The following CTNNA3 variants were observed in gnomAD, a reference collection of about 807,000 sequenced individuals.
CTNNA3 encodes the protein catenin alpha-3.
A neutral mutation model predicts 95.7 loss-of-function variants in CTNNA3; 76 were observed. The ratio of observed to expected loss-of-function variants is 0.79; its 90% CI spans 0.66 to 0.96. CTNNA3 has a LOEUF of 0.96. Among genes scored for constraint, CTNNA3 ranks in the 40% least tolerant of loss-of-function variants. CTNNA3 has a pLI of 0.00. For missense variants in CTNNA3, 1,191 were observed against 1,089.8 expected, an observed-to-expected ratio of 1.09 and a Z score of -1.31; for synonymous variants, 431 against 374.4, an observed-to-expected ratio of 1.15 and a Z score of -1.74.
intron 10 of CTNNA3, among the ~76,000 whole-genome samples, chr10:66,613,753 G>C (rs1210001600): frequency 1.3e-5 from 2 of 151,996 alleles, no homozygotes; most frequent in South Asian, 4.1e-4. Flanking sequence ...AGCATTTTGT[G>C]CCATTCCCTG....
intron 5 of CTNNA3, among the ~76,000 whole-genome samples, chr10:67,292,398 AT>A (rs1007066768): frequency 6.6e-6 from 1 of 151,408 alleles, no homozygotes; most frequent in Non-Finnish European, 1.5e-5. Flanking sequence ...ATTTTGAGGT[AT>A]TTTTTTTTCC....
intron 7 of CTNNA3, among the ~76,000 whole-genome samples, chr10:66,914,748 G>A (rs180814633): frequency 2.0e-5 from 3 of 152,278 alleles, no homozygotes; most frequent in Admixed American, 1.3e-4. Flanking sequence ...AATATTCTAA[G>A]TTGCAGGATT....
chr10:66,712,592 CCT>C (rs779653367), intron 9 of CTNNA3, among the ~76,000 whole-genome samples: 36 of 148,658 alleles, frequency 2.4e-4, no homozygotes, highest in Middle Eastern at 3.5e-3. Context: ...ACTCTCTCTC[CCT>C]CTCTCTCTCT....
rs56160138 is a variant in CTNNA3, at chr10:66,633,477, A to T, written c.1282-11693T>A. Among the ~76,000 whole-genome samples the T allele has an allele frequency of 2.0e-5, 3 of 152,022 alleles. No individual in the cohort carries two copies. The East Asian group carries it at 5.8e-4, about 29-fold the overall frequency. On this transcript the variant is annotated intron_variant, in intron 9 of 17. Transcript: ENST00000433211. Reference sequence around the variant, plus strand: ...GGGCAGATCACGAGGTCAGGAGATCAAGACCATCCTGGCTAACATGGTGAA... The same window carrying T: ...GGGCAGATCACGAGGTCAGGAGATCTAGACCATCCTGGCTAACATGGTGAA...
chr10:66,840,863 C>T (rs2132347681), intron 7 of CTNNA3, among the ~76,000 whole-genome samples: 1 of 152,202 alleles, frequency 6.6e-6, no homozygotes, highest in South Asian at 2.1e-4. Flanking sequence ...CATGGCTTAG[C>T]CCGTGACTAA....
intron 3 of CTNNA3, among the ~76,000 whole-genome samples, chr10:67,543,339 T>A (rs916820519): frequency 6.6e-6 from 1 of 152,056 alleles, no homozygotes; most frequent in Non-Finnish European, 1.5e-5. Context: ...ACTTTTTATA[T>A]GATCAAATAA....
intron 10 of CTNNA3, among the ~76,000 whole-genome samples, chr10:66,579,823 G>A (rs1476165117): frequency 6.6e-6 from 1 of 151,588 alleles, no homozygotes; most frequent in Non-Finnish European, 1.5e-5. Flanking sequence ...TGGCTTCCCT[G>A]GTTTCCGATG....
At chr10:67,762,886 G>A (rs1202036834) in intron 1 of CTNNA3, among the ~76,000 whole-genome samples, 1 of 152,024 alleles carries the variant, frequency 6.6e-6, no homozygotes, top group Non-Finnish European at 1.5e-5. Context: ...CCCCAGTCAC[G>A]TACTCCCTGC....
intron 16 of CTNNA3, among the ~76,000 whole-genome samples, chr10:65,984,913 T>C (rs2078396127): frequency 6.6e-6 from 1 of 151,240 alleles, no homozygotes; most frequent in South Asian, 2.1e-4. Flanking sequence ...TATATAGGCT[T>C]CAGTCACATA....
At chr10:66,025,558 T>G (rs1003432687) in intron 15 of CTNNA3, among the ~76,000 whole-genome samples, 2 of 152,240 alleles carry the variant, frequency 1.3e-5, no homozygotes, top group Non-Finnish European at 2.9e-5. Flanking sequence ...AATGTGTTTT[T>G]GCTCATCATC....
chr10:67,126,046 T>G (rs1303665799), intron 7 of CTNNA3, among the ~76,000 whole-genome samples: 1 of 152,182 alleles, frequency 6.6e-6, no homozygotes, highest in Admixed American at 6.6e-5. Flanking sequence ...AATCATATCA[T>G]GAAATGCCTT....
intron 5 of CTNNA3, among the ~76,000 whole-genome samples, chr10:67,228,951 C>T (rs979811051): frequency 2.0e-5 from 3 of 152,046 alleles, no homozygotes; most frequent in Non-Finnish European, 4.4e-5. Context: ...AGAAGGAACC[C>T]TCCCTAATTC....
chr10:67,714,661 T>G (rs1294866698), intron 1 of CTNNA3, among the ~76,000 whole-genome samples: 6 of 152,186 alleles, frequency 3.9e-5, no homozygotes, highest in Non-Finnish European at 4.4e-5. Context: ...ATGACTGGTT[T>G]TGAAATGTGA....
At chr10:66,914,423 A>G (rs953669331) in intron 7 of CTNNA3, among the ~76,000 whole-genome samples, 5 of 152,006 alleles carry the variant, frequency 3.3e-5, no homozygotes, top group Admixed American at 2.0e-4. Context: ...ACTCATTAAT[A>G]TGAATGAACA....
chr10:66,525,268 G>C (rs183512831), intron 10 of CTNNA3, among the ~76,000 whole-genome samples: 160 of 151,772 alleles, frequency 1.1e-3, no homozygotes, highest in African/African-American at 3.7e-3. Flanking sequence ...TGGATTACAA[G>C]GCCACAGAAA....
At chr10:66,534,680 A>C (rs2132059528) in intron 10 of CTNNA3, among the ~76,000 whole-genome samples, 1 of 150,050 alleles carries the variant, frequency 6.7e-6, no homozygotes, top group South Asian at 2.1e-4. Context: ...AATTGGTAAT[A>C]TATAAAATTA....
At chr10:66,536,569 A>C (rs1841667395) in intron 10 of CTNNA3, among the ~76,000 whole-genome samples, 1 of 152,074 alleles carries the variant, frequency 6.6e-6, no homozygotes, top group Non-Finnish European at 1.5e-5. Flanking sequence ...GAGTAGTAAT[A>C]ATCTCAACAA....
At chr10:65,958,058 T>C (rs1489963088) in intron 17 of CTNNA3, among the ~76,000 whole-genome samples, 2 of 151,852 alleles carry the variant, frequency 1.3e-5, no homozygotes, top group Non-Finnish European at 2.9e-5. Context: ...CATAGTCCCA[T>C]ATTTCTTGGA....
Position 67,734,192 on chromosome 10 carries a change from C to T in CTNNA3, c.-2+29242G>A, listed in dbSNP as rs531169231. Among the ~76,000 whole-genome samples, 118 of 152,124 alleles carry T rather than the reference C, an allele frequency of 7.8e-4. No individual in the cohort carries two copies. The Middle Eastern group carries it at 0.014, about 18-fold the overall frequency. ...CCATAACTTCTGTTCAAATATTAAC[C>T]CTACATGTTAATTAATTCAAATTAA... On this transcript the variant is annotated intron_variant, in intron 1 of 17. Coordinates refer to the CTNNA3 transcript ENST00000684154.
Sources: allele counts gnomAD v4.1 joint callset (sites outside exome capture counted in the v4.1 genomes callset), GRCh38; gene constraint gnomAD v4.1.1; transcripts MANE v1.5; gene names NCBI Gene and HGNC (gene_info 2026-07-23, HGNC 2026-07-21).